The following PARM1 variants were observed in gnomAD, a reference collection of about 807,000 sequenced individuals.
PARM1 encodes prostate androgen-regulated mucin-like protein 1.
Under a neutral mutation model 24.6 loss-of-function variants are expected in PARM1, and 14 were observed. The observed-to-expected ratio is 0.57, with a 90% confidence interval of 0.38 to 0.89. The LOEUF (loss-of-function observed/expected upper bound fraction) is 0.89, where lower values mean the gene tolerates loss of function less well. PARM1 is among the 40% of genes least tolerant of loss of function. PARM1 has a pLI of 0.00. For missense variants in PARM1, 362 were observed against 380.4 expected, an observed-to-expected ratio of 0.95 and a Z score of 0.40; for synonymous variants, 179 against 156.6, an observed-to-expected ratio of 1.14 and a Z score of -1.07.
At chr4:75,010,465 G>T (rs1237160293) in intron 1 of PARM1, among the ~76,000 whole-genome samples, 1 of 152,134 alleles carries the variant, frequency 6.6e-6, no homozygotes. Context: ...TATAGTTACT[G>T]CCATTGAACT....
intron 2 of PARM1, among the ~76,000 whole-genome samples, chr4:75,033,507 A>C (rs1040340687): frequency 1.3e-5 from 2 of 152,186 alleles, no homozygotes; most frequent in East Asian, 3.8e-4. Context: ...AAAGAAGAAA[A>C]TAGGACATCA....
At chr4:75,013,259 A>C in intron 2 of PARM1, 109 bp downstream of exon 2, 2 of 1,101,630 alleles carry the variant, frequency 1.8e-6, no homozygotes, top group Non-Finnish European at 1.3e-6. Context: ...TGTAACACCT[A>C]AGTTGAATTA....
In PARM1 at chr4:75,046,376, T is replaced by C. The variant is rs1723603606; in HGVS notation, c.*129T>C. 1 of 623,416 alleles carries C rather than the reference T, an allele frequency of 1.6e-6. No individual in the cohort carries two copies. Among genetic ancestry groups the C allele is most frequent in the African/African-American group, 1.9e-5 (1 of 53,816 alleles). The allele number at this position is 623,416 out of a possible 1,614,324, so 38.6% of individuals were successfully genotyped here. ...CCCTGTTTTGTTGGTATGGTTGTTT[T>C]TGTTTTCCTCCCTCTCCTCTGGCTG... On this transcript the variant is annotated 3_prime_UTR_variant, in exon 4 of 4. Coordinates refer to ENST00000307428, the MANE Select transcript of PARM1 (RefSeq NM_015393.4).
chr4:74,965,079 C>T (rs577106310), intron 1 of PARM1: 3 of 152,284 alleles, frequency 2.0e-5, no homozygotes, highest in African/African-American at 7.2e-5. Flanking sequence ...CTCATTCCAC[C>T]CCCTAGATTC....
chr4:74,980,029 C>A (rs950683023), intron 1 of PARM1, among the ~76,000 whole-genome samples: 2 of 152,144 alleles, frequency 1.3e-5, no homozygotes, highest in Non-Finnish European at 2.9e-5. Context: ...TGGGTAAAAG[C>A]TGGAAGCATT....
intron 1 of PARM1, among the ~76,000 whole-genome samples, chr4:74,950,106 G>A (rs189543616): frequency 2.4e-3 from 368 of 152,248 alleles, no homozygotes; most frequent in African/African-American, 8.6e-3. Context: ...TCCCCAAACT[G>A]CTGTGAGCTA....
At chr4:74,980,682 T>A (rs137873770) in intron 1 of PARM1, among the ~76,000 whole-genome samples, 3 of 152,278 alleles carry the variant, frequency 2.0e-5, no homozygotes, top group African/African-American at 4.8e-5. Flanking sequence ...AGAACAAAGC[T>A]GGAGGTATCA....
intron 3 of PARM1, among the ~76,000 whole-genome samples, chr4:75,037,947 C>T (rs1275312832): frequency 6.6e-6 from 1 of 151,988 alleles, no homozygotes; most frequent in Admixed American, 6.6e-5. Flanking sequence ...GTCGAAGTCT[C>T]GCTCTGTCAC....
intron 1 of PARM1, among the ~76,000 whole-genome samples, chr4:74,988,581 C>A (rs1191629367): frequency 6.6e-6 from 1 of 152,024 alleles, no homozygotes. Context: ...GTGCATCAGG[C>A]AGGATGATAA....
intron 2 of PARM1, among the ~76,000 whole-genome samples, chr4:75,015,727 C>T (rs886898774): frequency 2.0e-5 from 3 of 152,088 alleles, no homozygotes; most frequent in Non-Finnish European, 4.4e-5. Context: ...AACTGTGTCC[C>T]AGAAGTTTGA....
chr4:74,982,015 C>CTCACAATA (rs1417815438), intron 1 of PARM1, among the ~76,000 whole-genome samples: 1 of 152,020 alleles, frequency 6.6e-6, no homozygotes, highest in Non-Finnish European at 1.5e-5. Context: ...TGCAGCACTA[C>CTCACAATA]TCACAATAGC....
chr4:74,935,161 A>T (rs1721154892), intron 1 of PARM1, among the ~76,000 whole-genome samples: 1 of 152,078 alleles, frequency 6.6e-6, no homozygotes, highest in Non-Finnish European at 1.5e-5. Flanking sequence ...CAGAGCCCAG[A>T]TGGTCACAGC....
chr4:75,046,815 A>G lies in PARM1; in HGVS notation c.*568A>G, dbSNP rs1050028695. ...CTGGAAAGCAGCTTCTTAGCTGCCT[A>G]ATTAATGAAAGATGAAAATAGGAAG... On this transcript the variant is annotated 3_prime_UTR_variant, in exon 4 of 4. Transcript: ENST00000307428. 1.3e-5 allele frequency: 2 copies of G among 152,596 alleles called. No homozygotes were observed. Among genetic ancestry groups the G allele is most frequent in the Non-Finnish European group, 2.9e-5 (2 of 68,372 alleles). The allele number at this position is 152,596 out of a possible 1,614,324, so 9.5% of individuals were successfully genotyped here. A position where few individuals can be genotyped will look rare whatever the true frequency, so the allele number is the denominator to read the frequency against.
At chr4:74,942,937 G>A (rs945953294) in intron 1 of PARM1, among the ~76,000 whole-genome samples, 5 of 152,118 alleles carry the variant, frequency 3.3e-5, no homozygotes, top group Non-Finnish European at 5.9e-5. Context: ...CTGGGGCCTC[G>A]TTGGTTCTTG....
intron 1 of PARM1, among the ~76,000 whole-genome samples, chr4:74,968,147 A>C (rs534188577): frequency 2.6e-5 from 4 of 152,202 alleles, no homozygotes; most frequent in Non-Finnish European, 5.9e-5. Context: ...AGCCAACCAC[A>C]GTTTATTTAT....
rs769694183 is a variant in PARM1 at position 75,012,520 on chromosome 4, C to G, written c.139C>G (p.Gln47Glu). The G allele has an allele frequency of 1.2e-6, 2 of 1,613,938 alleles. No homozygotes were observed. Among genetic ancestry groups the G allele is most frequent in the East Asian group, 2.2e-5 (1 of 44,876 alleles). Residue 47 changes from glutamine to glutamate, a missense_variant, in exon 2 of 4, where the codon CAA (glutamine) becomes GAA (glutamate). Gln to Glu is a conservative substitution (Grantham distance 29). Coordinates refer to ENST00000307428, the MANE Select transcript of PARM1 (RefSeq NM_015393.4). Reference sequence around the variant, plus strand: ...GACCACCATCTGGACTAGCTCTCCACAAAACACTGATGCAGACACTGCCTC... The same window carrying G: ...GACCACCATCTGGACTAGCTCTCCAGAAAACACTGATGCAGACACTGCCTC... ...PPTTIWTSSP[Q>E]NTDADTASPS... is the part of the protein sequence containing the mutation.
chr4:75,009,977 T>A (rs1722841894), intron 1 of PARM1, among the ~76,000 whole-genome samples: 1 of 152,186 alleles, frequency 6.6e-6, no homozygotes, highest in African/African-American at 2.4e-5. Flanking sequence ...AAAATTACCA[T>A]ATGATTCATT....
intron 1 of PARM1, among the ~76,000 whole-genome samples, chr4:74,934,852 G>C (rs951080205): frequency 2.0e-5 from 3 of 152,100 alleles, no homozygotes; most frequent in African/African-American, 7.2e-5. Context: ...AGAGAGGTTC[G>C]TTTGCAAATT....
chr4:74,937,812 C>T (rs1721224281), intron 1 of PARM1, among the ~76,000 whole-genome samples: 1 of 152,168 alleles, frequency 6.6e-6, no homozygotes, highest in South Asian at 2.1e-4. Flanking sequence ...GCCAGCTGTT[C>T]CAGCAAACCA....
Sources: allele counts gnomAD v4.1 joint callset (sites outside exome capture counted in the v4.1 genomes callset), GRCh38; gene constraint gnomAD v4.1.1; transcripts MANE v1.5; gene names NCBI Gene and HGNC (gene_info 2026-07-23, HGNC 2026-07-21).